LARGE1: variants seen among roughly 807,000 people sequenced by gnomAD.
LARGE1 encodes LARGE xylosyl- and glucuronyltransferase 1, also known as xylosyl- and glucuronyltransferase LARGE1.
LARGE1 carries 43 observed loss-of-function variants against 87.6 expected under a neutral mutation model. The ratio of observed to expected loss-of-function variants is 0.49; its 90% CI spans 0.38 to 0.63. The LOEUF (loss-of-function observed/expected upper bound fraction) is 0.63. Among genes scored for constraint, LARGE1 ranks in the 30% least tolerant of loss-of-function variants. LARGE1 has a pLI of 0.00. For synonymous variants in LARGE1, 434 were observed against 394.6 expected (o/e 1.10, Z -1.18); for missense variants, 802 against 1,000.2 (o/e 0.80, Z 2.67).
chr22:33,608,145 G>T (rs185796346), intron 4 of LARGE1, among the ~76,000 whole-genome samples: 4 of 152,160 alleles, frequency 2.6e-5, no homozygotes, highest in Non-Finnish European at 5.9e-5. Flanking sequence ...TGCCATAATG[G>T]ATTCTTATTA....
At chr22:33,148,476 A>T in the LARGE1 span, among the ~76,000 whole-genome samples, 1 of 152,178 alleles carries the variant, frequency 6.6e-6, no homozygotes, top group Non-Finnish European at 1.5e-5. Context: ...CCATTCCCTC[A>T]CTGAAGACCA....
chr22:33,816,512 A>G (rs1050798968), intron 1 of LARGE1, among the ~76,000 whole-genome samples: 1 of 151,906 alleles, frequency 6.6e-6, no homozygotes, highest in Non-Finnish European at 1.5e-5. Context: ...TGTAGGCTCC[A>G]CCCTCAAGAC....
chr22:33,235,852 A>G (rs151062444), intron 11 of LARGE1, among the ~76,000 whole-genome samples: 67 of 152,316 alleles, frequency 4.4e-4, no homozygotes, highest in African/African-American at 1.5e-3. Flanking sequence ...AATGTCCTCT[A>G]AAATTTATAT....
chr22:33,828,278 C>T (rs544253271), intron 1 of LARGE1, among the ~76,000 whole-genome samples: 12 of 152,314 alleles, frequency 7.9e-5, no homozygotes, highest in South Asian at 2.1e-4. Flanking sequence ...GGAAGAGAGA[C>T]GCTGACACAG....
At chr22:33,068,212 C>T in the LARGE1 span, among the ~76,000 whole-genome samples, 1 of 152,138 alleles carries the variant, frequency 6.6e-6, no homozygotes, top group African/African-American at 2.4e-5. Flanking sequence ...GGTCACCTCA[C>T]TATGGGCAGG....
chr22:33,393,508 T>C (rs1025339401), intron 7 of LARGE1, among the ~76,000 whole-genome samples: 7 of 152,238 alleles, frequency 4.6e-5, no homozygotes, highest in Non-Finnish European at 7.3e-5. Flanking sequence ...GTTATGAAAA[T>C]GGTTCCATTT....
intron 2 of LARGE1, among the ~76,000 whole-genome samples, chr22:33,687,814 C>T (rs2149325731): frequency 6.6e-6 from 1 of 152,116 alleles, no homozygotes; most frequent in East Asian, 1.9e-4. Flanking sequence ...TGAGTGCTAC[C>T]CACTTAACAA....
At chr22:33,886,502 C>T (rs2064848302) in intron 1 of LARGE1, among the ~76,000 whole-genome samples, 1 of 151,762 alleles carries the variant, frequency 6.6e-6, no homozygotes, top group African/African-American at 2.4e-5. Context: ...CATGACGAAA[C>T]CCTGTCTCTA....
intron 6 of LARGE1, among the ~76,000 whole-genome samples, chr22:33,533,884 T>C (rs1011349145): frequency 7.3e-5 from 11 of 151,372 alleles, no homozygotes; most frequent in African/African-American, 2.7e-4. Context: ...GGACATTAAT[T>C]TCAGGTTTTT....
At chr22:33,448,587 C>T (rs1327376122) in intron 6 of LARGE1, among the ~76,000 whole-genome samples, 1 of 152,128 alleles carries the variant, frequency 6.6e-6, no homozygotes, top group African/African-American at 2.4e-5. Context: ...GGCCAATGAT[C>T]AGCTCAGCAT....
chr22:33,753,262 G>A lies in LARGE1; in HGVS notation c.106+8109C>T, dbSNP rs550675361. Among the ~76,000 whole-genome samples the A allele has an allele frequency of 3.9e-5, 6 of 152,124 alleles. No homozygotes were observed. In the South Asian group the frequency reaches 1.0e-3, roughly 26 times the overall value. On this transcript the variant is annotated intron_variant, in intron 2 of 14. Coordinates refer to ENST00000397394, the MANE Select transcript of LARGE1 (RefSeq NM_133642.5). ...ATAATAATAGTCCTAATAAGAGGGG[G>A]GTAGGAGAGTCACAGTCAGAGAAGG...
chr22:33,134,404 G>T, the LARGE1 span, among the ~76,000 whole-genome samples: 8 of 151,842 alleles, frequency 5.3e-5, no homozygotes, highest in Non-Finnish European at 1.0e-4. Flanking sequence ...GACTACAAGC[G>T]CCCGCCACCA....
intron 1 of LARGE1, among the ~76,000 whole-genome samples, chr22:33,839,945 C>G (rs114339288): frequency 0.011 from 1,612 of 152,234 alleles, 28 homozygotes; most frequent in African/African-American, 0.035. Context: ...GCATTCAACC[C>G]TAAAGCCCAG....
intron 6 of LARGE1, among the ~76,000 whole-genome samples, chr22:33,523,073 C>T (rs928998369): frequency 2.6e-5 from 4 of 151,934 alleles, no homozygotes; most frequent in South Asian, 2.1e-4. Flanking sequence ...GGCGCGATCT[C>T]GGCTCACTGC....
chr22:33,305,325 G>A (rs964798074), intron 11 of LARGE1, among the ~76,000 whole-genome samples: 2 of 149,286 alleles, frequency 1.3e-5, no homozygotes, highest in East Asian at 1.9e-4. Context: ...CTGAGCCAGG[G>A]AGAGGGGGAA....
chr22:33,346,231 T>TCTTC (rs373678345), intron 9 of LARGE1, among the ~76,000 whole-genome samples: 1,592 of 151,306 alleles, frequency 0.011, 9 homozygotes, highest in South Asian at 0.018. Flanking sequence ...TCTCTTCCTT[T>TCTTC]CTTCCTTCCT....
intron 1 of LARGE1, among the ~76,000 whole-genome samples, chr22:33,768,512 TG>T (rs1409043031): frequency 6.6e-6 from 1 of 152,090 alleles, no homozygotes; most frequent in Non-Finnish European, 1.5e-5. Context: ...TCCTCCTCTC[TG>T]GGACCTCAAT....
At chr22:33,247,139 AC>A (rs1279697279) in intron 11 of LARGE1, among the ~76,000 whole-genome samples, 1 of 151,502 alleles carries the variant, frequency 6.6e-6, no homozygotes, top group Non-Finnish European at 1.5e-5. Flanking sequence ...ATAAAACTCT[AC>A]TTTTAAAGTT....
At chr22:33,231,214 CTCTA>C (rs1246277192) in intron 11 of LARGE1, among the ~76,000 whole-genome samples, 2 of 152,198 alleles carry the variant, frequency 1.3e-5, no homozygotes, top group Non-Finnish European at 1.5e-5. Context: ...TGTAAATCTT[CTCTA>C]TCAATCATGC....
Sources: gnomAD v4.1 joint callset for allele counts (sites outside exome capture counted in the v4.1 genomes callset) on GRCh38, gnomAD v4.1.1 for gene constraint, MANE v1.5 for transcripts, NCBI Gene and HGNC (gene_info 2026-07-23, HGNC 2026-07-21) for gene names.